Variants in STAU1 observed in about 807,000 individuals in gnomAD.
The protein encoded by STAU1 is double-stranded RNA-binding protein Staufen homolog 1.
Under a neutral mutation model 62.9 loss-of-function variants are expected in STAU1, and 13 were observed. That is an observed-to-expected ratio of 0.21 (90% CI 0.13 to 0.33). The LOEUF is 0.33. Ranked by LOEUF, STAU1 falls within the 10% of genes least tolerant of loss-of-function variation. The probability of loss-of-function intolerance (pLI) is 1.00; values close to 1 mark genes in which losing one functional copy is unlikely to be tolerated. For missense variants in STAU1, 571 were observed against 712.1 expected, an observed-to-expected ratio of 0.80 and a Z score of 2.25; for synonymous variants, 269 against 265.1, an observed-to-expected ratio of 1.01 and a Z score of -0.14.
chr20:49,189,201 CAAAAAAAAAAAAAAAAAAAAAAAAA>C (rs545643816), upstream of STAU1, among the ~76,000 whole-genome samples: 6 of 33,622 alleles, frequency 1.8e-4, no homozygotes, highest in Admixed American at 6.4e-4. Flanking sequence ...ACACTGGTCT[CAAAAAAAAAAAAAAAAAAAAAAAAA>C]AAAAAAAAAA....
intron 1 of STAU1, among the ~76,000 whole-genome samples, chr20:49,176,564 T>C (rs1467804709): frequency 5.9e-5 from 9 of 152,212 alleles, no homozygotes; most frequent in Non-Finnish European, 1.0e-4. Flanking sequence ...TTGCTGTTCA[T>C]TGTCTGATTG....
chr20:49,123,686 C>G (rs2092522679), intron 7 of STAU1, among the ~76,000 whole-genome samples: 1 of 152,218 alleles, frequency 6.6e-6, no homozygotes, highest in African/African-American at 2.4e-5. Flanking sequence ...ATCCCAGTTA[C>G]TTCCTTGAGG....
chr20:49,117,257 G>T lies in STAU1; in HGVS notation c.1510-9C>A. On this transcript the variant is annotated splice_polypyrimidine_tract_variant and intron_variant, in intron 11 of 13. Coordinates refer to ENST00000371856, the MANE Select transcript of STAU1 (RefSeq NM_017453.4). This position sits in a 1 kb window ranked among gnomAD's most constrained non-coding sequence, Gnocchi z 4.6. ...AAGTCTTTGTATTCAACCTAAGGGG[G>T]AAAAGAGAGCTGAGGCTAGGTAGGG... 1 of 1,613,866 alleles carries T rather than the reference G, an allele frequency of 6.2e-7. No individual in the cohort carries two copies. Among genetic ancestry groups the T allele is most frequent in the Non-Finnish European group, 8.5e-7 (1 of 1,179,820 alleles).
chr20:49,213,238 A>AT, the STAU1 span, among the ~76,000 whole-genome samples: 29 of 143,210 alleles, frequency 2.0e-4, no homozygotes, highest in Middle Eastern at 3.6e-3. Context: ...TCATTTCTCA[A>AT]TTTTTTTTTT....
intron 1 of STAU1, among the ~76,000 whole-genome samples, chr20:49,178,140 G>A (rs1230646110): frequency 6.6e-6 from 1 of 152,142 alleles, no homozygotes; most frequent in East Asian, 1.9e-4. Context: ...GTGCACCACT[G>A]CACTCCAGCC....
the STAU1 span, among the ~76,000 whole-genome samples, chr20:49,209,398 T>C: frequency 8.3e-6 from 1 of 120,436 alleles, no homozygotes; most frequent in African/African-American, 3.2e-5. Flanking sequence ...ACCTGATCAA[T>C]AAATTGGCTT....
At chr20:49,176,699 G>A (rs2093663970) in intron 1 of STAU1, among the ~76,000 whole-genome samples, 1 of 152,038 alleles carries the variant, frequency 6.6e-6, no homozygotes, top group African/African-American at 2.4e-5. Flanking sequence ...TAATATCTCA[G>A]CTATTCAAAG....
At chr20:49,200,033 G>A in the STAU1 span, among the ~76,000 whole-genome samples, 1 of 152,158 alleles carries the variant, frequency 6.6e-6, no homozygotes. Flanking sequence ...CATTGCTGAT[G>A]GGAATGCAAA....
intron 5 of STAU1, among the ~76,000 whole-genome samples, chr20:49,143,357 C>CA (rs764476413): frequency 3.3e-5 from 5 of 152,086 alleles, no homozygotes; most frequent in Non-Finnish European, 5.9e-5. Context: ...TTTGAGAGGC[C>CA]ACGGTGGGCG....
chr20:49,216,033 A>AAAG, the STAU1 span, among the ~76,000 whole-genome samples: 6,021 of 104,052 alleles, frequency 0.058, 258 homozygotes, highest in East Asian at 0.12. Flanking sequence ...AAAAAAAAAA[A>AAAG]AAGAAGAAGA....
At chr20:49,146,099 G>A (rs1456086130) in intron 5 of STAU1, among the ~76,000 whole-genome samples, 3 of 151,908 alleles carry the variant, frequency 2.0e-5, no homozygotes, top group African/African-American at 4.8e-5. Flanking sequence ...GTGAAACCTC[G>A]TCTCTACCAA....
chr20:49,178,909 T>TAAA (rs11324304), intron 1 of STAU1, among the ~76,000 whole-genome samples: 164 of 116,400 alleles, frequency 1.4e-3, no homozygotes, highest in South Asian at 4.5e-3. Flanking sequence ...CCGTCTCCAC[T>TAAA]AAAAAAAAAA....
intron 3 of STAU1, among the ~76,000 whole-genome samples, chr20:49,155,148 A>G (rs1203368592): frequency 1.3e-5 from 2 of 152,220 alleles, no homozygotes; most frequent in Non-Finnish European, 2.9e-5. Flanking sequence ...AAGCACACTC[A>G]AAGAGTTACA....
chr20:49,208,293 C>T, the STAU1 span, among the ~76,000 whole-genome samples: 3 of 152,072 alleles, frequency 2.0e-5, no homozygotes, highest in South Asian at 2.1e-4. Flanking sequence ...CTCTTGACCT[C>T]GTGATCTGCC....
chr20:49,166,296 T>A lies in STAU1; in HGVS notation c.-84-11A>T. On this transcript the variant is annotated splice_polypyrimidine_tract_variant and intron_variant, in intron 2 of 13. Coordinates refer to ENST00000371856, the MANE Select transcript of STAU1 (RefSeq NM_017453.4). ...AGTCTAAAGTTCTACCTAAAAGTTG[T>A]AAGGGAAAGAAAATAAAAAGGTAAA... is the stretch of plus-strand genomic sequence containing the variant. The A allele has an allele frequency of 9.0e-7, 1 of 1,111,740 alleles. No homozygotes were observed. The highest frequency in any genetic ancestry group is 1.3e-6 in the Non-Finnish European group (1 of 768,902). 68.9% of individuals were successfully genotyped at this position (1,111,740 alleles called of 1,614,324 possible). A position where few individuals can be genotyped will look rare whatever the true frequency, so the allele number is the denominator to read the frequency against.
At chr20:49,219,258 G>A in the STAU1 span, 27 of 1,274,370 alleles carry the variant, frequency 2.1e-5, no homozygotes, top group African/African-American at 3.0e-5. Flanking sequence ...GCCCCTTGAT[G>A]GCGTCACACG....
At chr20:49,217,427 C>A in the STAU1 span, among the ~76,000 whole-genome samples, 1 of 152,070 alleles carries the variant, frequency 6.6e-6, no homozygotes, top group Non-Finnish European at 1.5e-5. Flanking sequence ...ACGGGCACAG[C>A]TTATTAATTT....
chr20:49,178,216 AT>A (rs1337941218), intron 1 of STAU1, among the ~76,000 whole-genome samples: 1 of 152,186 alleles, frequency 6.6e-6, no homozygotes, highest in Admixed American at 6.5e-5. Flanking sequence ...ATGCAAATCT[AT>A]TTTTTGAAAT....
chr20:49,159,750 C>A (rs1474759283), intron 3 of STAU1, among the ~76,000 whole-genome samples: 4 of 152,078 alleles, frequency 2.6e-5, no homozygotes, highest in Non-Finnish European at 4.4e-5. Context: ...TTGGTAGATA[C>A]AGGGTTTCAC....
Sources: allele counts gnomAD v4.1 joint callset (sites outside exome capture counted in the v4.1 genomes callset), GRCh38; gene constraint gnomAD v4.1.1; non-coding constraint Gnocchi (gnomAD v3.1); transcripts MANE v1.5; gene names NCBI Gene and HGNC (gene_info 2026-07-23, HGNC 2026-07-21).